SRRM4: variants seen among roughly 807,000 people sequenced by gnomAD.
The protein encoded by SRRM4 is serine/arginine repetitive matrix 4, also known as serine/arginine repetitive matrix protein 4.
Under a neutral mutation model 68.9 loss-of-function variants are expected in SRRM4, and 33 were observed. The observed-to-expected ratio is 0.48, with a 90% CI of 0.36 to 0.64. The LOEUF (loss-of-function observed/expected upper bound fraction) is 0.64. Among genes scored for constraint, SRRM4 ranks in the 30% least tolerant of loss-of-function variants. The probability of loss-of-function intolerance (pLI) is 0.00; values close to 1 mark genes in which losing one functional copy is unlikely to be tolerated. For synonymous variants in SRRM4, 318 were observed against 318.8 expected (o/e 1.00, Z 0.03); for missense variants, 817 against 827.1 (o/e 0.99, Z 0.15).
At position 119,160,375 on chromosome 12, in the gene SRRM4, A is replaced by G. The variant is rs745967402; in HGVS notation, c.*3577A>G. On this transcript the variant is annotated 3_prime_UTR_variant, in exon 13 of 13. Coordinates refer to ENST00000267260, the MANE Select transcript of SRRM4 (RefSeq NM_194286.4). ...TTTCCTTTTTTTCTATCCAAAAACAATGTGCTTGTTGAGGCACTGGTAACC... is the reference window on the plus strand; with the variant it reads ...TTTCCTTTTTTTCTATCCAAAAACAGTGTGCTTGTTGAGGCACTGGTAACC... The G allele has an allele frequency of 4.6e-5, 7 of 151,632 alleles. No homozygotes were observed. The highest frequency in any genetic ancestry group is 8.8e-5 in the Non-Finnish European group (6 of 67,990). 9.4% of individuals were successfully genotyped at this position (151,632 alleles called of 1,614,324 possible). A position where few individuals can be genotyped will look rare whatever the true frequency, so the allele number is the denominator to read the frequency against.
chr12:119,060,197 G>A (rs1953802092), intron 1 of SRRM4, among the ~76,000 whole-genome samples: 1 of 151,920 alleles, frequency 6.6e-6, no homozygotes, highest in South Asian at 2.1e-4. Flanking sequence ...TGATATCTGA[G>A]AAAACAATTA....
Position 119,159,209 on chromosome 12 carries a change from A to G in SRRM4, c.*2411A>G, listed in dbSNP as rs1954493841. 6.6e-6 allele frequency: 1 copy of G among 152,266 alleles called. No homozygotes were observed. Among genetic ancestry groups the G allele is most frequent in the Non-Finnish European group, 1.5e-5 (1 of 68,154 alleles). 9.4% of individuals were successfully genotyped at this position (152,266 alleles called of 1,614,324 possible). A position where few individuals can be genotyped will look rare whatever the true frequency, so the allele number is the denominator to read the frequency against. On this transcript the variant is annotated 3_prime_UTR_variant, in exon 13 of 13. Coordinates refer to ENST00000267260, the MANE Select transcript of SRRM4 (RefSeq NM_194286.4). Reference sequence around the variant, plus strand: ...AAATTCATCACTTAACCCAGCGTCCAGGAGGGTCAGGCCTGTACCCCAGCC... The same window carrying G: ...AAATTCATCACTTAACCCAGCGTCCGGGAGGGTCAGGCCTGTACCCCAGCC...
intron 1 of SRRM4, among the ~76,000 whole-genome samples, chr12:119,099,531 T>C (rs1954065967): frequency 1.3e-5 from 2 of 152,276 alleles, no homozygotes; most frequent in South Asian, 2.1e-4. Context: ...AGAAGCTATA[T>C]ATAACTGTGT....
chr12:119,162,569 G>C lies in SRRM4; in HGVS notation c.*5771G>C, dbSNP rs182456135. 1.3e-5 allele frequency: 2 copies of C among 152,320 alleles called. No homozygotes were observed. Among genetic ancestry groups the C allele is most frequent in the Non-Finnish European group, 2.9e-5 (2 of 68,046 alleles). The allele number at this position is 152,320 out of a possible 1,614,324, so 9.4% of individuals were successfully genotyped here. A position where few individuals can be genotyped will look rare whatever the true frequency, so the allele number is the denominator to read the frequency against. Reference sequence around the variant, plus strand: ...CCCAAGCTCCCTTGAGCTCAGATCAGCTTGACTCAATGTCCAACATTCCCT... The same window carrying C: ...CCCAAGCTCCCTTGAGCTCAGATCACCTTGACTCAATGTCCAACATTCCCT... On this transcript the variant is annotated 3_prime_UTR_variant, in exon 13 of 13. Transcript: ENST00000267260.
In SRRM4 at chr12:119,151,191, C is replaced by T. The variant is rs902875033; in HGVS notation, c.1251C>T (p.Thr417=). Reference sequence around the variant, plus strand: ...ATCCCAGGGCTTCCCCCAGGTACACCCAAAGCCGATCCACCTCTTCTGAAA... The same window carrying T: ...ATCCCAGGGCTTCCCCCAGGTACACTCAAAGCCGATCCACCTCTTCTGAAA... ...SPNPRASPRY[T]QSRSTSSEKR... is the part of the protein sequence containing the mutation. Residue 417 remains threonine (T), a synonymous_variant, in exon 10 of 13, where the codon ACC becomes ACT. Transcript: ENST00000267260. 1 of 1,613,986 alleles carries T rather than the reference C, an allele frequency of 6.2e-7. No individual in the cohort carries two copies. The highest frequency in any genetic ancestry group is 8.5e-7 in the Non-Finnish European group (1 of 1,179,872).
intron 1 of SRRM4, among the ~76,000 whole-genome samples, chr12:119,027,933 A>ATTATTAT (rs773974389): frequency 9.2e-5 from 14 of 152,244 alleles, no homozygotes; most frequent in Non-Finnish European, 1.6e-4. Flanking sequence ...GACAGCATCA[A>ATTATTAT]CCCGAGTGGA....
intron 1 of SRRM4, among the ~76,000 whole-genome samples, chr12:119,061,351 C>T (rs1202374078): frequency 2.6e-5 from 4 of 152,208 alleles, no homozygotes; most frequent in Non-Finnish European, 5.9e-5. Flanking sequence ...AGAACTTCCG[C>T]TCAAATCCAG....
At chr12:119,130,015 G>A (rs1000686143) in intron 7 of SRRM4, among the ~76,000 whole-genome samples, 2 of 142,078 alleles carry the variant, frequency 1.4e-5, no homozygotes, top group African/African-American at 5.3e-5. Context: ...ATGGATGAAT[G>A]CATAGATGGT....
intron 1 of SRRM4, among the ~76,000 whole-genome samples, chr12:119,012,776 C>T (rs1040050548): frequency 1.3e-5 from 2 of 152,188 alleles, no homozygotes; most frequent in African/African-American, 4.8e-5. Flanking sequence ...TGGTCAGATA[C>T]TTCTCACTTG....
intron 10 of SRRM4, among the ~76,000 whole-genome samples, chr12:119,152,443 C>T (rs904558473): frequency 1.3e-5 from 2 of 152,186 alleles, no homozygotes; most frequent in African/African-American, 2.4e-5. Context: ...GCAAATATGA[C>T]GTCTGAGCTC....
intron 1 of SRRM4, among the ~76,000 whole-genome samples, chr12:119,089,685 T>C (rs1954002503): frequency 6.6e-6 from 1 of 152,220 alleles, no homozygotes; most frequent in African/African-American, 2.4e-5. Flanking sequence ...CTGAGAACTC[T>C]GTGCTGATTG....
intron 7 of SRRM4, among the ~76,000 whole-genome samples, chr12:119,130,012 A>ATGG (rs1954285387): frequency 4.5e-5 from 4 of 88,480 alleles, no homozygotes; most frequent in Admixed American, 1.1e-4. Context: ...TGGATGGATG[A>ATGG]ATGCATAGAT....
At chr12:119,088,218 G>T (rs1953991328) in intron 1 of SRRM4, among the ~76,000 whole-genome samples, 1 of 152,102 alleles carries the variant, frequency 6.6e-6, no homozygotes, top group African/African-American at 2.4e-5. Flanking sequence ...ATAAAATGAT[G>T]GGGATGACTT....
Position 119,093,564 on chromosome 12 carries a change from G to A in SRRM4, c.132-8672G>A, listed in dbSNP as rs531574578. Among the ~76,000 whole-genome samples, 11 of 152,230 alleles carry A rather than the reference G, an allele frequency of 7.2e-5. No individual in the cohort carries two copies. The East Asian group carries it at 7.7e-4, about 11-fold the overall frequency. Reference sequence around the variant, plus strand: ...ACATAATTAGCAACTCGCCCTCCCCGGAGAAATCCTAACTGTGTCTGCAAT... The same window carrying A: ...ACATAATTAGCAACTCGCCCTCCCCAGAGAAATCCTAACTGTGTCTGCAAT... On this transcript the variant is annotated intron_variant, in intron 1 of 12. Coordinates refer to ENST00000267260, the MANE Select transcript of SRRM4 (RefSeq NM_194286.4).
intron 1 of SRRM4, among the ~76,000 whole-genome samples, chr12:119,100,909 A>C (rs1436140959): frequency 6.6e-6 from 1 of 152,216 alleles, no homozygotes; most frequent in Non-Finnish European, 1.5e-5. Context: ...AGGGCTGAGA[A>C]GCCCTAATTA....
At chr12:118,994,410 C>T (rs943848479) in intron 1 of SRRM4, among the ~76,000 whole-genome samples, 2 of 152,100 alleles carry the variant, frequency 1.3e-5, no homozygotes, top group African/African-American at 2.4e-5. Context: ...CAGAGACTCC[C>T]GGCTTGCAAC....
At chr12:119,114,231 T>C in intron 2 of SRRM4, 47 bp from the exon 3 acceptor site, 6 of 1,544,046 alleles carry the variant, frequency 3.9e-6, no homozygotes, top group Non-Finnish European at 5.3e-6. Context: ...GGTTGGGGAG[T>C]TGGGGAACCA....
intron 1 of SRRM4, among the ~76,000 whole-genome samples, chr12:119,018,654 G>T (rs1953496372): frequency 6.6e-6 from 1 of 152,120 alleles, no homozygotes; most frequent in South Asian, 2.1e-4. Context: ...AAAAGCATTT[G>T]TTCAGATACC....
intron 8 of SRRM4, among the ~76,000 whole-genome samples, chr12:119,139,657 C>T (rs984174912): frequency 1.3e-5 from 2 of 152,146 alleles, no homozygotes; most frequent in African/African-American, 2.4e-5. Context: ...CAGATATACC[C>T]GCTAGGGACA....
Sources: gnomAD v4.1 joint callset for allele counts (sites outside exome capture counted in the v4.1 genomes callset) on GRCh38, gnomAD v4.1.1 for gene constraint, MANE v1.5 for transcripts, NCBI Gene and HGNC (gene_info 2026-07-23, HGNC 2026-07-21) for gene names.